DSCAML1: variants seen among roughly 807,000 people sequenced by gnomAD.
The protein encoded by DSCAML1 is cell adhesion molecule DSCAML1.
In DSCAML1, 38 loss-of-function variants were observed where a neutral mutation model predicts 200.5. The ratio of observed to expected loss-of-function variants is 0.19; its 90% CI spans 0.15 to 0.25. The LOEUF (loss-of-function observed/expected upper bound fraction) is 0.25, where lower values mean the gene tolerates loss of function less well. Among genes scored for constraint, DSCAML1 ranks in the 10% least tolerant of loss-of-function variants. The pLI, the probability that DSCAML1 is intolerant of heterozygous loss-of-function variation, is 1.00. For missense variants in DSCAML1, 2,223 were observed against 2,858.8 expected (o/e 0.78, Z 5.07); for synonymous variants, 1,215 against 1,165.0 (o/e 1.04, Z -0.87).
intron 3 of DSCAML1, among the ~76,000 whole-genome samples, chr11:117,662,488 G>A (rs542689012): frequency 3.3e-5 from 5 of 152,344 alleles, no homozygotes; most frequent in Admixed American, 1.3e-4. Flanking sequence ...GTGAGTTCAC[G>A]GATGACCACT....
At chr11:117,735,255 G>A (rs1431625228) in intron 3 of DSCAML1, among the ~76,000 whole-genome samples, 1 of 152,218 alleles carries the variant, frequency 6.6e-6, no homozygotes, top group Admixed American at 6.5e-5. Flanking sequence ...GCCCAGGAAC[G>A]CCAAAGAGTG....
intron 3 of DSCAML1, among the ~76,000 whole-genome samples, chr11:117,701,529 CTT>C (rs2053666829): frequency 6.6e-6 from 1 of 152,192 alleles, no homozygotes; most frequent in Non-Finnish European, 1.5e-5. Context: ...AGGCAGGCCT[CTT>C]TGGAGGAGGA....
chr11:117,594,599 C>G (rs75873912), intron 3 of DSCAML1, among the ~76,000 whole-genome samples: 9,257 of 152,286 alleles, frequency 0.061, 412 homozygotes, highest in Non-Finnish European at 0.092. Flanking sequence ...CTGGGTGTCC[C>G]CAGCGGGCTG....
At chr11:117,677,417 G>A (rs937322294) in intron 3 of DSCAML1, among the ~76,000 whole-genome samples, 5 of 152,136 alleles carry the variant, frequency 3.3e-5, no homozygotes, top group Non-Finnish European at 5.9e-5. Flanking sequence ...CCCTGTGTGT[G>A]TCAGAAGAAT....
At chr11:117,429,733 A>AC (rs1410919397) in intron 32 of DSCAML1, among the ~76,000 whole-genome samples, 1 of 151,062 alleles carries the variant, frequency 6.6e-6, no homozygotes, top group South Asian at 2.1e-4. Context: ...CCACCGCCTG[A>AC]CCCCCCGTGC....
At chr11:117,809,671 A>AG (rs1199961296) in intron 1 of DSCAML1, among the ~76,000 whole-genome samples, 1 of 152,186 alleles carries the variant, frequency 6.6e-6, no homozygotes, top group Non-Finnish European at 1.5e-5. Flanking sequence ...GAACTACTGG[A>AG]GGGGACCAAT....
chr11:117,780,814 C>T lies in DSCAML1; in HGVS notation c.47-4G>A. The stretch of plus-strand genomic sequence containing the variant: ...GTGCCAACATCTTCAGGGCGGGCTG[C>T]AGGAGAGGCAAGGGGAGAGACTTGG... On this transcript the variant is annotated splice_polypyrimidine_tract_variant and splice_region_variant and intron_variant, in intron 1 of 32. Coordinates refer to ENST00000651296, the MANE Select transcript of DSCAML1 (RefSeq NM_020693.4). This position sits in a 1 kb window ranked among gnomAD's most constrained non-coding sequence, Gnocchi z 4.8. 7.0e-7 allele frequency: 1 copy of T among 1,432,202 alleles called. No individual in the cohort carries two copies. The highest frequency in any genetic ancestry group is 9.1e-7 in the Non-Finnish European group (1 of 1,095,046). 88.7% of individuals were successfully genotyped at this position (1,432,202 alleles called of 1,614,324 possible).
rs946060775 is a variant in DSCAML1, at chr11:117,516,010, C to G, written c.1783+457G>C. On this transcript the variant is annotated intron_variant, in intron 8 of 32. Transcript: ENST00000651296. The surrounding 1 kb of genome is among the most constrained non-coding windows in gnomAD (Gnocchi z 5.7). ...GGTGTTCCCAGTCCTGTAGAAGCAG[C>G]CTGGGTACTGTGTATCCCACAGGGG... is the stretch of plus-strand genomic sequence containing the variant. Among the ~76,000 whole-genome samples, 4 of 152,196 alleles carry G rather than the reference C, an allele frequency of 2.6e-5. No homozygotes were observed. The highest frequency in any genetic ancestry group is 9.7e-5 in the African/African-American group (4 of 41,440).
rs781591687 is a variant in DSCAML1, at chr11:117,480,511, C to T, written c.2717G>A (p.Arg906His). The T allele has an allele frequency of 3.4e-5, 55 of 1,605,644 alleles. No individual in the cohort carries two copies. The South Asian group carries it at 4.5e-4, about 13-fold the overall frequency. The change falls in exon 14 of 33, where the codon CGC becomes CAC. Residue 906 changes from arginine (R) to histidine (H), a missense_variant. Arg to His is a conservative substitution (Grantham distance 29, BLOSUM62 0). This residue lies in a region of DSCAML1 where 438 missense variants were observed against 629.7 expected (regional missense o/e 0.70). Transcript: ENST00000651296. The surrounding 1 kb of genome is among the most constrained non-coding windows in gnomAD (Gnocchi z 4.1). ...REVKARSMNL[R>H]WTQRFDGNSI... ...GTTCCCGTCGAATCGCTGGGTCCAG[C>T]GCAGGTTCATGCTCCGGGCCTTCAC...
intron 3 of DSCAML1, among the ~76,000 whole-genome samples, chr11:117,645,553 T>C (rs1447110216): frequency 2.0e-5 from 3 of 151,996 alleles, no homozygotes; most frequent in African/African-American, 7.3e-5. Flanking sequence ...ATATACACCA[T>C]GGAATACTAT....
intron 3 of DSCAML1, among the ~76,000 whole-genome samples, chr11:117,708,561 C>T (rs911124314): frequency 4.6e-5 from 7 of 152,190 alleles, no homozygotes; most frequent in Non-Finnish European, 8.8e-5. Flanking sequence ...ACACACAGTA[C>T]TTGGCACACA....
intron 3 of DSCAML1, among the ~76,000 whole-genome samples, chr11:117,743,469 C>T (rs1591462847): frequency 6.6e-6 from 1 of 152,054 alleles, no homozygotes; most frequent in African/African-American, 2.4e-5. Flanking sequence ...TGCACAGGCC[C>T]TCTGTCCCCC....
chr11:117,482,165 G>C lies in DSCAML1; in HGVS notation c.2360-3C>G, dbSNP rs371637278. The C allele has an allele frequency of 2.5e-6, 4 of 1,613,732 alleles. No individual in the cohort carries two copies. The highest frequency in any genetic ancestry group is 2.5e-6 in the Non-Finnish European group (3 of 1,179,890). Reference sequence around the variant, plus strand: ...GTGGGAAGTGATCATGGCCGGGACTGGGGGGCGGAGGCAGAGAAGGCCCAG... The same window carrying C: ...GTGGGAAGTGATCATGGCCGGGACTCGGGGGCGGAGGCAGAGAAGGCCCAG... On this transcript the variant is annotated splice_region_variant and splice_polypyrimidine_tract_variant and intron_variant, in intron 11 of 32. Coordinates refer to ENST00000651296, the MANE Select transcript of DSCAML1 (RefSeq NM_020693.4).
Position 117,505,847 on chromosome 11 carries a change from T to TGG in DSCAML1, c.1784-117_1784-116dup, listed in dbSNP as rs1309162687. 1.6e-6 allele frequency: 2 copies of TGG among 1,288,078 alleles called. No individual in the cohort carries two copies. Among genetic ancestry groups the TGG allele is most frequent in the Non-Finnish European group, 2.1e-6 (2 of 950,686 alleles). The allele number at this position is 1,288,078 out of a possible 1,614,324, so 79.8% of individuals were successfully genotyped here. A position where few individuals can be genotyped will look rare whatever the true frequency, so the allele number is the denominator to read the frequency against. ...GGTTGGGCCTTGAACAAAGATCCCCTGGGGCACTGCAGCCTTGTTCTCCTA... is the reference window on the plus strand; with the variant it reads ...GGTTGGGCCTTGAACAAAGATCCCCTGGGGGGCACTGCAGCCTTGTTCTCCTA... On this transcript the variant is annotated intron_variant, in intron 8 of 32. Transcript: ENST00000651296. This position sits in a 1 kb window ranked among gnomAD's most constrained non-coding sequence, Gnocchi z 6.7.
At chr11:117,728,233 C>T (rs1031295594) in intron 3 of DSCAML1, among the ~76,000 whole-genome samples, 1 of 152,204 alleles carries the variant, frequency 6.6e-6, no homozygotes, top group African/African-American at 2.4e-5. Context: ...TTCAACTCTC[C>T]TTCATGACAA....
intron 3 of DSCAML1, among the ~76,000 whole-genome samples, chr11:117,776,342 A>T (rs1218567855): frequency 2.0e-5 from 3 of 152,160 alleles, no homozygotes; most frequent in Non-Finnish European, 4.4e-5. Context: ...TCCTGAAGTC[A>T]GGTCCTCCAA....
chr11:117,667,695 AC>A (rs1405539679), intron 3 of DSCAML1, among the ~76,000 whole-genome samples: 1 of 152,220 alleles, frequency 6.6e-6, no homozygotes, highest in African/African-American at 2.4e-5. Context: ...CCACCTCCTG[AC>A]CTGAAACAGA....
At chr11:117,651,793 T>C in intron 3 of DSCAML1, among the ~76,000 whole-genome samples, 1 of 151,876 alleles carries the variant, frequency 6.6e-6, no homozygotes, top group Non-Finnish European at 1.5e-5. Context: ...AGTACTTTCT[T>C]GACATTATCT....
chr11:117,780,490 TACC>T lies in DSCAML1; in HGVS notation c.364_364+2del. 6.9e-7 allele frequency: 1 copy of T among 1,446,130 alleles called. No homozygotes were observed. The allele number at this position is 1,446,130 out of a possible 1,614,324, so 89.6% of individuals were successfully genotyped here. ...CTGGGGCAGCCAGTGTCTTGTCCCT[TACC>T]TGCTTTGACGCGGATGTTGGGGCTC... On this transcript the variant is annotated splice_donor_variant and coding_sequence_variant, in exon 2 of 33. Coordinates refer to ENST00000651296, the MANE Select transcript of DSCAML1 (RefSeq NM_020693.4). LOFTEE classifies it high-confidence loss of function. The surrounding 1 kb of genome is among the most constrained non-coding windows in gnomAD (Gnocchi z 4.8).
Sources: gnomAD v4.1 joint callset for allele counts (sites outside exome capture counted in the v4.1 genomes callset) on GRCh38, gnomAD v4.1.1 for gene constraint, gnomAD v4.1.1 regional missense constraint, Gnocchi (gnomAD v3.1) non-coding constraint, MANE v1.5 for transcripts, NCBI Gene and HGNC (gene_info 2026-07-23, HGNC 2026-07-21) for gene names.